CHODL: variants seen among roughly 807,000 people sequenced by gnomAD.
CHODL encodes transmembrane protein MT75.
A neutral mutation model predicts 34.5 loss-of-function variants in CHODL; 29 were observed. The observed-to-expected ratio is 0.84, with a 90% CI of 0.63 to 1.15. The LOEUF (loss-of-function observed/expected upper bound fraction) is 1.15, where lower values mean the gene tolerates loss of function less well. Ranked by LOEUF, CHODL falls within the 50% of genes most tolerant of loss-of-function variation. The pLI is 0.00. For missense variants in CHODL, 332 were observed against 332.5 expected, an observed-to-expected ratio of 1.00 and a Z score of 0.01; for synonymous variants, 125 against 116.1, an observed-to-expected ratio of 1.08 and a Z score of -0.49.
At chr21:18,207,561 A>G (rs2073725780) in intron 2 of CHODL, among the ~76,000 whole-genome samples, 1 of 150,292 alleles carries the variant, frequency 6.7e-6, no homozygotes, top group South Asian at 2.1e-4. Flanking sequence ...ATACCTTCAG[A>G]TAATTTTTTA....
chr21:18,098,360 AG>A (rs1427931947), intron 2 of CHODL, among the ~76,000 whole-genome samples: 2 of 151,982 alleles, frequency 1.3e-5, no homozygotes, highest in African/African-American at 4.8e-5. Context: ...ATAACTCTAT[AG>A]GAAAAAAAAA....
rs184130343 is a variant in CHODL at position 18,234,927 on chromosome 21, G to A, written c.-44-21582G>A. ...GTTCCAGAAGGTAGATTTTCTTCAAGTACTAAATGAATTAGTTTTATCCAT... is the reference window on the plus strand; with the variant it reads ...GTTCCAGAAGGTAGATTTTCTTCAAATACTAAATGAATTAGTTTTATCCAT... On this transcript the variant is annotated intron_variant, in intron 2 of 6. Transcript: ENST00000400127. Among the ~76,000 whole-genome samples the A allele has an allele frequency of 2.0e-3, 308 of 152,190 alleles. 1 individual carries two copies. Among genetic ancestry groups the A allele is most frequent in the Non-Finnish European group, 3.8e-3 (256 of 67,982 alleles).
intron 2 of CHODL, among the ~76,000 whole-genome samples, chr21:18,121,397 A>G (rs530430565): frequency 6.6e-6 from 1 of 152,344 alleles, no homozygotes; most frequent in South Asian, 2.1e-4. Flanking sequence ...AGCATGTTTT[A>G]GAGGATAACT....
chr21:18,064,602 C>T (rs895769100), intron 2 of CHODL, among the ~76,000 whole-genome samples: 4 of 152,256 alleles, frequency 2.6e-5, no homozygotes, highest in African/African-American at 9.6e-5. Flanking sequence ...CTGGAACTTG[C>T]ACCATTGGTT....
intron 2 of CHODL, among the ~76,000 whole-genome samples, chr21:18,234,637 T>C (rs1172990195): frequency 6.6e-6 from 1 of 152,084 alleles, no homozygotes; most frequent in Non-Finnish European, 1.5e-5. Context: ...TTACCAGAAG[T>C]GGTCCCATGA....
rs73206975 is a variant in CHODL at position 18,267,123 on chromosome 21, A to G, written c.*1085A>G. 6.6e-6 allele frequency: 1 copy of G among 152,240 alleles called. No homozygotes were observed. Among genetic ancestry groups the G allele is most frequent in the African/African-American group, 2.4e-5 (1 of 41,458 alleles). The allele number at this position is 152,240 out of a possible 1,614,324, so 9.4% of individuals were successfully genotyped here. ...TCACTATCAGTGTGGAGACAAGCACAGCACACAGACATTTTAGGAAGGAAA... is the reference window on the plus strand; with the variant it reads ...TCACTATCAGTGTGGAGACAAGCACGGCACACAGACATTTTAGGAAGGAAA... On this transcript the variant is annotated 3_prime_UTR_variant, in exon 6 of 6. Coordinates refer to ENST00000299295, the MANE Select transcript of CHODL (RefSeq NM_024944.3).
rs5842674 is a variant in CHODL at position 18,090,726 on chromosome 21, GAAAAA to G, written c.-45+62771_-45+62775del. ...CAGAAACTTGCTATTATAATTTCCA[GAAAAA>G]AAAAAAAAAAAAAAACTAAGGCAGG... On this transcript the variant is annotated intron_variant, in intron 2 of 6. Coordinates refer to the CHODL transcript ENST00000400127. Among the ~76,000 whole-genome samples, 867 of 125,046 alleles carry G rather than the reference GAAAAA, an allele frequency of 6.9e-3. 2 individuals carry two copies. Among genetic ancestry groups the G allele is most frequent in the Middle Eastern group, 0.018 (4 of 218 alleles). 82.0% of individuals were successfully genotyped at this position (125,046 alleles called of 152,430 possible). A position where few individuals can be genotyped will look rare whatever the true frequency, so the allele number is the denominator to read the frequency against.
At chr21:18,258,102 A>G (rs1431270182) in intron 3 of CHODL, among the ~76,000 whole-genome samples, 1 of 152,130 alleles carries the variant, frequency 6.6e-6, no homozygotes, top group Non-Finnish European at 1.5e-5. Flanking sequence ...TCTTTTTCTC[A>G]TAATACCAGA....
intron 2 of CHODL, among the ~76,000 whole-genome samples, chr21:18,147,378 T>C (rs1317747263): frequency 6.6e-6 from 1 of 152,204 alleles, no homozygotes; most frequent in African/African-American, 2.4e-5. Flanking sequence ...CCCTGCTGCT[T>C]CCTGTTCTTT....
chr21:18,010,203 A>T (rs1418434756), intron 1 of CHODL, among the ~76,000 whole-genome samples: 1 of 138,320 alleles, frequency 7.2e-6, no homozygotes. Context: ...AGGCTGAGAC[A>T]GGAGAATGGC....
At chr21:18,219,104 T>C (rs2073858735) in intron 2 of CHODL, among the ~76,000 whole-genome samples, 1 of 152,132 alleles carries the variant, frequency 6.6e-6, no homozygotes, top group Non-Finnish European at 1.5e-5. Context: ...AACACCCCAC[T>C]CTGCAGTATC....
chr21:18,242,031 G>C (rs555215314), upstream of CHODL, among the ~76,000 whole-genome samples: 1 of 151,038 alleles, frequency 6.6e-6, no homozygotes, highest in East Asian at 2.0e-4. Context: ...CCCTTAACTT[G>C]TGGGGGACCT....
intron 2 of CHODL, among the ~76,000 whole-genome samples, chr21:18,179,336 T>G (rs1314841915): frequency 3.3e-5 from 5 of 152,310 alleles, no homozygotes; most frequent in African/African-American, 1.2e-4. Flanking sequence ...TTACTTTGTT[T>G]TTCAGAATAC....
intron 2 of CHODL, among the ~76,000 whole-genome samples, chr21:18,150,531 G>T (rs1204172953): frequency 1.3e-5 from 2 of 152,058 alleles, no homozygotes; most frequent in African/African-American, 2.4e-5. Flanking sequence ...GCCTTTTCCG[G>T]GTTGCAGATT....
intron 1 of CHODL, among the ~76,000 whole-genome samples, chr21:18,008,699 A>T (rs1458016672): frequency 1.3e-5 from 2 of 152,160 alleles, no homozygotes; most frequent in Non-Finnish European, 2.9e-5. Context: ...TTCAAGGCTG[A>T]ATAATAAGGA....
chr21:18,079,188 T>C (rs158016), intron 2 of CHODL, among the ~76,000 whole-genome samples: 61,689 of 151,714 alleles, frequency 0.41, 13,733 homozygotes, highest in Non-Finnish European at 0.51. Context: ...TGTGTACTGA[T>C]TGTTTAGCTC....
chr21:18,161,652 AC>A (rs1273761096), intron 2 of CHODL, among the ~76,000 whole-genome samples: 4 of 152,034 alleles, frequency 2.6e-5, no homozygotes, highest in Non-Finnish European at 5.9e-5. Flanking sequence ...CACATTGTTC[AC>A]TTCTCTGTTT....
At position 18,211,930 on chromosome 21, in the gene CHODL, T is replaced by C. The variant is rs188081342; in HGVS notation, c.-44-44579T>C. Reference sequence around the variant, plus strand: ...GATGAATATATGAGAGTCTATCTATTAAGAGTGGTAGTGAAATTTAAAGAA... The same window carrying C: ...GATGAATATATGAGAGTCTATCTATCAAGAGTGGTAGTGAAATTTAAAGAA... On this transcript the variant is annotated intron_variant, in intron 2 of 6. Transcript: ENST00000400127. 3.3e-5 allele frequency among the ~76,000 whole-genome samples: 5 copies of C among 152,302 alleles called. No individual in the cohort carries two copies. The East Asian group carries it at 9.6e-4, about 29-fold the overall frequency.
intron 1 of CHODL, among the ~76,000 whole-genome samples, chr21:17,919,851 T>C (rs1353535887): frequency 6.6e-6 from 1 of 152,224 alleles, no homozygotes; most frequent in Non-Finnish European, 1.5e-5. Context: ...TTGCTGCTTA[T>C]AAATTTCTTT....
Sources: gnomAD v4.1 joint callset for allele counts (sites outside exome capture counted in the v4.1 genomes callset) on GRCh38, gnomAD v4.1.1 for gene constraint, MANE v1.5 for transcripts, NCBI Gene and HGNC (gene_info 2026-07-23, HGNC 2026-07-21) for gene names.